Variants in RET observed in about 807,000 individuals in gnomAD.
The protein encoded by RET is proto-oncogene tyrosine-protein kinase receptor Ret.
RET carries 19 observed loss-of-function variants against 118.3 expected under a neutral mutation model. That is an observed-to-expected ratio of 0.16 (90% CI 0.11 to 0.24). The LOEUF (loss-of-function observed/expected upper bound fraction) is 0.24. Among genes scored for constraint, RET ranks in the 10% least tolerant of loss-of-function variants. The pLI is 1.00. For missense variants in RET, 1,219 were observed against 1,502.1 expected, an observed-to-expected ratio of 0.81 and a Z score of 3.12; for synonymous variants, 597 against 644.1, an observed-to-expected ratio of 0.93 and a Z score of 1.11.
In RET at chr10:43,130,245, T is replaced by C. The variant is rs1838417421; in HGVS notation, c.*1976T>C. On this transcript the variant is annotated 3_prime_UTR_variant, in exon 20 of 20. Transcript: ENST00000355710. ...GTAGTAATCTGTCAGTTATTAAAATTTGTAAAATCTATTTATGAAAGGTCA... is the reference window on the plus strand; with the variant it reads ...GTAGTAATCTGTCAGTTATTAAAATCTGTAAAATCTATTTATGAAAGGTCA... 2.6e-6 allele frequency: 1 copy of C among 385,764 alleles called. No homozygotes were observed. Among genetic ancestry groups the C allele is most frequent in the Non-Finnish European group, 4.6e-6 (1 of 218,820 alleles). 23.9% of individuals were successfully genotyped at this position (385,764 alleles called of 1,614,324 possible).
Position 43,102,625 on chromosome 10 carries a change from G to T in RET, c.621G>T (p.Leu207=), listed in dbSNP as rs1343290853. ...CPNISVAYRL[L]EGEGLPFRCA... ...ACATCAGCGTGGCCTACAGGCTCCT[G>T]GAGGGTGAGTGCCGACCTTGTGGGG... Residue 207 remains leucine (L), a synonymous_variant, in exon 3 of 20, where the codon CTG becomes CTT. Transcript: ENST00000355710. 1 of 1,613,960 alleles carries T rather than the reference G, an allele frequency of 6.2e-7. No homozygotes were observed. Among genetic ancestry groups the T allele is most frequent in the Admixed American group, 1.7e-5 (1 of 60,014 alleles).
chr10:43,109,010 T>C, intron 5 of RET, 21 bp from the exon 6 acceptor site: 1 of 1,609,266 alleles, frequency 6.2e-7, no homozygotes, highest in Non-Finnish European at 8.5e-7. Context: ...TTGGTGGTCA[T>C]TGTTGTGCCC....
Position 43,104,977 on chromosome 10 carries a change from C to G in RET, c.651C>G (p.Ala217=). The stretch of plus-strand genomic sequence containing the variant: ...GTGAGGGTCTGCCCTTCCGCTGCGC[C>G]CCGGACAGCCTGGAGGTGAGCACGC... ...LEGEGLPFRC[A]PDSLEVSTRW... is the part of the protein sequence containing the mutation. Residue 217 remains alanine, a synonymous_variant, in exon 4 of 20, where the codon GCC becomes GCG. Transcript: ENST00000355710. 6.3e-7 allele frequency: 1 copy of G among 1,576,598 alleles called. No individual in the cohort carries two copies. The highest frequency in any genetic ancestry group is 2.3e-5 in the East Asian group (1 of 43,650).
intron 8 of RET, 86 bp downstream of exon 8, chr10:43,112,310 G>T: frequency 6.9e-7 from 1 of 1,444,658 alleles, no homozygotes; most frequent in South Asian, 1.2e-5. Flanking sequence ...AGCCTGGGGT[G>T]GCTCTCCCTG....
chr10:43,115,829 G>A (rs750131337), intron 11 of RET, among the ~76,000 whole-genome samples: 14 of 152,244 alleles, frequency 9.2e-5, no homozygotes, highest in South Asian at 6.2e-4. Flanking sequence ...AGCTGTGGAG[G>A]TGACAGCGGC....
chr10:43,113,211 A>T (rs1837981775), intron 9 of RET, among the ~76,000 whole-genome samples: 1 of 152,212 alleles, frequency 6.6e-6, no homozygotes, highest in Non-Finnish European at 1.5e-5. Flanking sequence ...CACAGATTTC[A>T]GAAGCAGAGA....
intron 16 of RET, 143 bp from the exon 17 acceptor site, chr10:43,123,528 A>G: frequency 8.9e-7 from 1 of 1,129,002 alleles, no homozygotes; most frequent in East Asian, 2.4e-5. Flanking sequence ...GAGCAGCCAG[A>G]CCCAGGCTGA....
chr10:43,119,938 C>T (rs1057046982), intron 14 of RET, 143 bp from the exon 15 acceptor site: 50 of 1,350,884 alleles, frequency 3.7e-5, no homozygotes, highest in African/African-American at 5.8e-5. Context: ...CCACCACGCC[C>T]CTGCCATGCC....
At chr10:43,111,149 C>T (rs576913942) in intron 6 of RET, 58 bp from the exon 7 acceptor site, 38 of 1,607,162 alleles carry the variant, frequency 2.4e-5, no homozygotes, top group Non-Finnish European at 2.2e-5. Context: ...TCTCTACCCT[C>T]AGGCCATTAC....
chr10:43,115,223 G>T (rs3026762), intron 11 of RET, among the ~76,000 whole-genome samples: 10,606 of 152,298 alleles, frequency 0.07, 540 homozygotes, highest in Admixed American at 0.13. Flanking sequence ...CAGAGGCTCA[G>T]AGCCAAGGGT....
intron 19 of RET, 87 bp from the exon 20 acceptor site, chr10:43,128,025 T>G: frequency 7.1e-7 from 1 of 1,412,154 alleles, no homozygotes; most frequent in Non-Finnish European, 1.0e-6. Context: ...GGTTTGAACA[T>G]CAAAGGGAGT....
chr10:43,100,549 C>T lies in RET; in HGVS notation c.164C>T (p.Ala55Val), dbSNP rs1446283609. ...AAGTPLLYVH[A>V]LRDAPEEVPS... Reference sequence around the variant, plus strand: ...GGCACGCCCTTGCTGTACGTCCATGCCCTGCGGGACGCCCCTGAGGAGGTG... The same window carrying T: ...GGCACGCCCTTGCTGTACGTCCATGTCCTGCGGGACGCCCCTGAGGAGGTG... The change falls in exon 2 of 20, where the codon GCC becomes GTC. Residue 55 changes from alanine to valine, a missense_variant. Around this residue, in one of 5 missense-constraint regions of RET, gnomAD observed 84 missense variants for 163.6 expected, o/e 0.51. Coordinates refer to ENST00000355710, the MANE Select transcript of RET (RefSeq NM_020975.6). The T allele has an allele frequency of 6.2e-7, 1 of 1,613,814 alleles. No individual in the cohort carries two copies. The highest frequency in any genetic ancestry group is 1.3e-5 in the African/African-American group (1 of 74,928).
At chr10:43,084,939 G>A (rs991658083) in intron 1 of RET, among the ~76,000 whole-genome samples, 2 of 152,176 alleles carry the variant, frequency 1.3e-5, no homozygotes, top group African/African-American at 4.8e-5. Flanking sequence ...GCCCTCTCTC[G>A]CTCATCCTGA....
At chr10:43,103,460 C>G (rs1052156637) in intron 3 of RET, among the ~76,000 whole-genome samples, 1 of 152,060 alleles carries the variant, frequency 6.6e-6, no homozygotes, top group South Asian at 2.1e-4. Context: ...GTGGGATGAG[C>G]TGGATCCCAG....
chr10:43,096,792 G>C (rs1193890267), intron 1 of RET, among the ~76,000 whole-genome samples: 1 of 152,200 alleles, frequency 6.6e-6, no homozygotes, highest in Non-Finnish European at 1.5e-5. Flanking sequence ...CTGTAGCAAA[G>C]AGCATTAAAC....
chr10:43,113,805 C>T (rs1838000494), intron 10 of RET, 130 bp downstream of exon 10: 6 of 1,321,996 alleles, frequency 4.5e-6, no homozygotes, highest in Non-Finnish European at 6.2e-6. Context: ...CCCTCCCTCC[C>T]TCTGGGCCTC....
chr10:43,113,533 G>A (rs750538990), intron 9 of RET, 23 bp from the exon 10 acceptor site: 3 of 1,594,858 alleles, frequency 1.9e-6, no homozygotes, highest in East Asian at 4.5e-5. Context: ...CCAGGAGGCT[G>A]AGTGGGCTAC....
At chr10:43,084,090 G>A (rs1295412988) in intron 1 of RET, among the ~76,000 whole-genome samples, 2 of 152,336 alleles carry the variant, frequency 1.3e-5, no homozygotes, top group Non-Finnish European at 2.9e-5. Flanking sequence ...CCCTTCCTGT[G>A]AGGGGTAAAT....
intron 3 of RET, among the ~76,000 whole-genome samples, chr10:43,103,336 A>T (rs1395977936): frequency 6.6e-6 from 1 of 152,108 alleles, no homozygotes; most frequent in Non-Finnish European, 1.5e-5. Context: ...AAGCTGGGAG[A>T]CAATCAGAAG....
Sources: gnomAD v4.1 joint callset for allele counts (sites outside exome capture counted in the v4.1 genomes callset) on GRCh38, gnomAD v4.1.1 for gene constraint, gnomAD v4.1.1 regional missense constraint, MANE v1.5 for transcripts, NCBI Gene and HGNC (gene_info 2026-07-23, HGNC 2026-07-21) for gene names.